The following CTNNA2 variants were observed in gnomAD, a reference collection of about 807,000 sequenced individuals.
CTNNA2 encodes the protein catenin alpha 2.
Under a neutral mutation model 101.0 loss-of-function variants are expected in CTNNA2, and 42 were observed. The observed-to-expected ratio is 0.42, with a 90% CI of 0.32 to 0.54. CTNNA2 has a LOEUF of 0.54. CTNNA2 is among the 20% of genes least tolerant of loss of function. The pLI is 0.14. For missense variants in CTNNA2, 871 were observed against 1,223.1 expected, an observed-to-expected ratio of 0.71 and a Z score of 4.29; for synonymous variants, 450 against 456.4, an observed-to-expected ratio of 0.99 and a Z score of 0.18.
At chr2:79,460,404 A>C (rs1670866322) in intron 4 of CTNNA2, among the ~76,000 whole-genome samples, 1 of 152,174 alleles carries the variant, frequency 6.6e-6, no homozygotes, top group Admixed American at 6.5e-5. Context: ...CATCAATTTG[A>C]TCACTTAGTC....
chr2:80,033,115 C>T (rs1367331691), intron 7 of CTNNA2, among the ~76,000 whole-genome samples: 1 of 142,294 alleles, frequency 7.0e-6, no homozygotes, highest in African/African-American at 2.6e-5. Context: ...CGCACCATTG[C>T]ACTCCAGCCT....
intron 9 of CTNNA2, among the ~76,000 whole-genome samples, chr2:80,524,866 C>T (rs1203069586): frequency 6.6e-6 from 1 of 152,168 alleles, no homozygotes; most frequent in African/African-American, 2.4e-5. Context: ...TTGTATTTGA[C>T]TTCATTCGCT....
At chr2:79,301,811 G>A (rs557127611) in intron 2 of CTNNA2, among the ~76,000 whole-genome samples, 6 of 152,176 alleles carry the variant, frequency 3.9e-5, no homozygotes, top group South Asian at 2.1e-4. Flanking sequence ...CCTCTGGGCC[G>A]GGCACAGTGG....
At chr2:79,536,013 G>C (rs1454140157) in intron 1 of CTNNA2, among the ~76,000 whole-genome samples, 1 of 152,168 alleles carries the variant, frequency 6.6e-6, no homozygotes. Context: ...TAACTGGATG[G>C]TACCCAAATT....
At chr2:79,724,611 C>G (rs924736165) in intron 2 of CTNNA2, among the ~76,000 whole-genome samples, 2 of 151,816 alleles carry the variant, frequency 1.3e-5, no homozygotes, top group Non-Finnish European at 2.9e-5. Flanking sequence ...GTCAGGAGAT[C>G]AAGACCATCC....
At chr2:80,308,136 G>A (rs1677204342) in intron 7 of CTNNA2, among the ~76,000 whole-genome samples, 1 of 152,150 alleles carries the variant, frequency 6.6e-6, no homozygotes, top group African/African-American at 2.4e-5. Flanking sequence ...TTGTGAAGTG[G>A]AGTGGGGGAG....
chr2:79,758,645 G>A (rs1288792119), intron 3 of CTNNA2, among the ~76,000 whole-genome samples: 2 of 152,050 alleles, frequency 1.3e-5, no homozygotes, highest in Non-Finnish European at 2.9e-5. Context: ...CCATCTTTAT[G>A]TCCATCAGTA....
Position 79,345,943 on chromosome 2 carries a change from G to T in CTNNA2, c.-317-27888G>T, listed in dbSNP as rs1446966793. Among the ~76,000 whole-genome samples, 13 of 149,672 alleles carry T rather than the reference G, an allele frequency of 8.7e-5. No homozygotes were observed. The Admixed American group carries it at 8.7e-4, about 10-fold the overall frequency. On this transcript the variant is annotated intron_variant, in intron 3 of 21. Transcript: ENST00000466387. Reference sequence around the variant, plus strand: ...TCGAACTCCTGAGCTCAGGCAATCTGCTCATCTCGGCCTCCCAAAGTGCTA... The same window carrying T: ...TCGAACTCCTGAGCTCAGGCAATCTTCTCATCTCGGCCTCCCAAAGTGCTA...
At chr2:79,269,177 C>T (rs922056927) in intron 2 of CTNNA2, among the ~76,000 whole-genome samples, 2 of 152,008 alleles carry the variant, frequency 1.3e-5, no homozygotes, top group African/African-American at 4.8e-5. Context: ...CTGGATACTC[C>T]CAGGGGGAGA....
Position 79,425,917 on chromosome 2 carries a change from G to T in CTNNA2, c.-135+51904G>T, listed in dbSNP as rs1295235660. 2.0e-5 allele frequency among the ~76,000 whole-genome samples: 3 copies of T among 152,112 alleles called. No individual in the cohort carries two copies. In the East Asian group the frequency reaches 5.8e-4, roughly 29 times the overall value. ...TCAAAAGGGTAGGTTTCTATCAAAT[G>T]AATAACACATCCGTGGACTGACAAC... On this transcript the variant is annotated intron_variant, in intron 4 of 21. Transcript: ENST00000466387.
intron 7 of CTNNA2, among the ~76,000 whole-genome samples, chr2:80,253,676 T>G (rs1671933349): frequency 6.6e-6 from 1 of 152,204 alleles, no homozygotes; most frequent in South Asian, 2.1e-4. Flanking sequence ...CTTTCAAGAT[T>G]TGATTCATTA....
At chr2:79,623,631 T>G (rs1679127569) in intron 1 of CTNNA2, among the ~76,000 whole-genome samples, 1 of 152,180 alleles carries the variant, frequency 6.6e-6, no homozygotes, top group Non-Finnish European at 1.5e-5. Flanking sequence ...TTGGGAAAAT[T>G]ATTCAAATTG....
At chr2:80,601,417 C>CTTTTTTTTT (rs375645223) in intron 15 of CTNNA2, among the ~76,000 whole-genome samples, 8,040 of 89,038 alleles carry the variant, frequency 0.09, 610 homozygotes, top group Non-Finnish European at 0.13. Context: ...TTCTTTCTTT[C>CTTTTTTTTT]TTTCTTTTTT....
intron 3 of CTNNA2, among the ~76,000 whole-genome samples, chr2:79,333,789 A>C (rs529909313): frequency 6.6e-6 from 1 of 152,292 alleles, no homozygotes; most frequent in Non-Finnish European, 1.5e-5. Flanking sequence ...AACAAAAATT[A>C]TCTCTCAATT....
chr2:79,587,685 CA>C (rs1488379714), intron 1 of CTNNA2, among the ~76,000 whole-genome samples: 2 of 152,148 alleles, frequency 1.3e-5, no homozygotes, highest in Non-Finnish European at 2.9e-5. Context: ...CATCATGGCT[CA>C]AAAGCCACTC....
intron 3 of CTNNA2, among the ~76,000 whole-genome samples, chr2:79,778,413 A>G (rs890442496): frequency 2.6e-5 from 4 of 151,978 alleles, no homozygotes; most frequent in Non-Finnish European, 4.4e-5. Context: ...CTTTTTCTGC[A>G]TGGCTTCTAA....
intron 7 of CTNNA2, among the ~76,000 whole-genome samples, chr2:80,017,199 T>A (rs1202962539): frequency 6.6e-6 from 1 of 151,764 alleles, no homozygotes; most frequent in African/African-American, 2.4e-5. Context: ...TAACTGGGAG[T>A]GGGGTGGGAT....
chr2:80,311,372 A>G (rs188377298), intron 7 of CTNNA2, among the ~76,000 whole-genome samples: 113 of 152,318 alleles, frequency 7.4e-4, no homozygotes, highest in African/African-American at 2.4e-3. Flanking sequence ...GATACCATAA[A>G]TTAAAACATG....
chr2:79,450,495 G>T (rs1340354784), intron 4 of CTNNA2, among the ~76,000 whole-genome samples: 2 of 152,032 alleles, frequency 1.3e-5, no homozygotes, highest in Non-Finnish European at 2.9e-5. Flanking sequence ...TTGAGTTTTA[G>T]AGATTATATA....
Sources: allele counts gnomAD v4.1 joint callset (sites outside exome capture counted in the v4.1 genomes callset), GRCh38; gene constraint gnomAD v4.1.1; transcripts MANE v1.5; gene names NCBI Gene and HGNC (gene_info 2026-07-23, HGNC 2026-07-21).